SNX25: variants seen among roughly 807,000 people sequenced by gnomAD.
The protein encoded by SNX25 is sorting nexin 25, also known as sorting nexin-25.
A neutral mutation model predicts 113.7 loss-of-function variants in SNX25; 62 were observed. That is an observed-to-expected ratio of 0.55 (90% CI 0.44 to 0.67). The LOEUF is 0.67. SNX25 is among the 30% of genes least tolerant of loss of function. The pLI is 0.00. For synonymous variants in SNX25, 421 were observed against 436.2 expected, an observed-to-expected ratio of 0.97 and a Z score of 0.43; for missense variants, 1,014 against 1,161.0, an observed-to-expected ratio of 0.87 and a Z score of 1.84.
At chr4:185,231,651 C>T (rs780848787) in intron 1 of SNX25, among the ~76,000 whole-genome samples, 5 of 150,284 alleles carry the variant, frequency 3.3e-5, no homozygotes, top group African/African-American at 1.2e-4. Context: ...GTGGAGGTTG[C>T]AGTGAGCTAA....
chr4:185,270,875 T>C (rs1380036241), intron 5 of SNX25, among the ~76,000 whole-genome samples: 1 of 152,248 alleles, frequency 6.6e-6, no homozygotes, highest in Non-Finnish European at 1.5e-5. Flanking sequence ...TTTTTTTGGC[T>C]GAATAATATT....
chr4:185,375,455 C>CAAAAAAAAAAAAAAA, the SNX25 span, among the ~76,000 whole-genome samples: 2 of 14,772 alleles, frequency 1.4e-4, no homozygotes, highest in Non-Finnish European at 2.4e-4. Context: ...GACTCCGTCT[C>CAAAAAAAAAAAAAAA]AAAAAAAAAA....
chr4:185,283,288 T>C (rs1165475667), intron 5 of SNX25, among the ~76,000 whole-genome samples: 1 of 152,194 alleles, frequency 6.6e-6, no homozygotes, highest in Admixed American at 6.5e-5. Context: ...TATTTTATTC[T>C]ATAGCAGAGA....
At chr4:185,303,869 T>A (rs535862394) in intron 6 of SNX25, among the ~76,000 whole-genome samples, 2 of 152,060 alleles carry the variant, frequency 1.3e-5, no homozygotes, top group South Asian at 4.2e-4. Flanking sequence ...GTGTTTAGAG[T>A]GGTAAGAGAA....
Position 185,258,997 on chromosome 4 carries a change from G to A in SNX25, c.664G>A (p.Val222Ile). 1 of 1,614,166 alleles carries A rather than the reference G, an allele frequency of 6.2e-7. No homozygotes were observed. The highest frequency in any genetic ancestry group is 1.1e-5 in the South Asian group (1 of 91,080). ...ACTGAGTCACGTGGATGTGGTTAAA[G>A]TTGTCTGCAATGATGTTGTGAGGAC... The part of the protein sequence containing the change: ...HRLSHVDVVK[V>I]VCNDVVRTLL... Residue 222 changes from valine to isoleucine, a missense_variant, in exon 3 of 19, where the codon GTT becomes ATT. By Grantham distance (29) the Val-to-Ile change is conservative (BLOSUM62 3). Coordinates refer to ENST00000652585, the MANE Select transcript of SNX25 (RefSeq NM_001378034.2).
intron 5 of SNX25, among the ~76,000 whole-genome samples, chr4:185,274,259 C>T (rs572267714): frequency 8.5e-5 from 13 of 152,212 alleles, no homozygotes; most frequent in South Asian, 8.3e-4. Flanking sequence ...CAGGATTTCA[C>T]CATATTGGCC....
downstream of SNX25, among the ~76,000 whole-genome samples, chr4:185,371,529 G>C (rs1252762988): frequency 2.0e-4 from 26 of 131,190 alleles, no homozygotes; most frequent in African/African-American, 6.4e-4. Flanking sequence ...GCAACAGAGC[G>C]AGACTCCGTC....
chr4:185,244,194 T>C (rs1744501073), intron 1 of SNX25, among the ~76,000 whole-genome samples: 1 of 152,208 alleles, frequency 6.6e-6, no homozygotes, highest in Admixed American at 6.5e-5. Context: ...GGTTTCACCA[T>C]GTTAGCCAGG....
rs144822467 is a variant in SNX25, at chr4:185,292,440, C to T, written c.1162+4358C>T. 6.9e-3 allele frequency among the ~76,000 whole-genome samples: 1,045 copies of T among 152,218 alleles called. 7 individuals are homozygous for T. Among genetic ancestry groups the T allele is most frequent in the Non-Finnish European group, 0.012 (846 of 68,008 alleles). ...TCAGACAGAGTTTCGCTCTTGTCAC[C>T]CGGGCTGGAGGGCAATGACACAATC... is the stretch of plus-strand genomic sequence containing the variant. On this transcript the variant is annotated intron_variant, in intron 6 of 18. Coordinates refer to ENST00000652585, the MANE Select transcript of SNX25 (RefSeq NM_001378034.2).
chr4:185,233,077 A>G (rs1052820122), intron 1 of SNX25, among the ~76,000 whole-genome samples: 15 of 152,122 alleles, frequency 9.9e-5, no homozygotes, highest in African/African-American at 3.6e-4. Context: ...TGAGGTCAGG[A>G]GTTCGAGACC....
At chr4:185,282,468 C>T (rs1477027313) in intron 5 of SNX25, among the ~76,000 whole-genome samples, 2 of 152,208 alleles carry the variant, frequency 1.3e-5, no homozygotes, top group Non-Finnish European at 2.9e-5. Context: ...CCTGCCTGGC[C>T]TCAAATCTGT....
the SNX25 span, chr4:185,378,065 A>G: frequency 1.9e-6 from 3 of 1,591,488 alleles, no homozygotes; most frequent in Non-Finnish European, 2.6e-6. Flanking sequence ...GGAAGCTTAA[A>G]TATCAGGATT....
intron 6 of SNX25, among the ~76,000 whole-genome samples, chr4:185,303,576 A>G (rs1754014031): frequency 6.7e-6 from 1 of 149,946 alleles, no homozygotes. Context: ...GGAGAATGGC[A>G]TGAACCTGGG....
chr4:185,291,631 A>T (rs28391330), intron 6 of SNX25, among the ~76,000 whole-genome samples: 6,313 of 152,194 alleles, frequency 0.041, 432 homozygotes, highest in African/African-American at 0.14. Flanking sequence ...AGCCTCTTCC[A>T]TGTCTGTGCC....
At chr4:185,345,167 A>T (rs933449269) in intron 12 of SNX25, among the ~76,000 whole-genome samples, 1 of 152,172 alleles carries the variant, frequency 6.6e-6, no homozygotes, top group Non-Finnish European at 1.5e-5. Flanking sequence ...CCTCTTTGTC[A>T]TCTTTCCTCG....
intron 1 of SNX25, among the ~76,000 whole-genome samples, chr4:185,234,814 C>A (rs1742377896): frequency 6.6e-6 from 1 of 152,036 alleles, no homozygotes; most frequent in South Asian, 2.1e-4. Flanking sequence ...CATAATAATT[C>A]ATTAATTTAA....
chr4:185,242,810 C>T (rs1234215152), intron 1 of SNX25, among the ~76,000 whole-genome samples: 2 of 152,098 alleles, frequency 1.3e-5, no homozygotes, highest in Admixed American at 6.5e-5. Flanking sequence ...CCCCGAGGCC[C>T]GACACACCCA....
chr4:185,304,337 A>G (rs994478078), intron 6 of SNX25, among the ~76,000 whole-genome samples: 1 of 152,096 alleles, frequency 6.6e-6, no homozygotes, highest in Non-Finnish European at 1.5e-5. Context: ...GGTGCATGCC[A>G]CCACGCCTGG....
At chr4:185,332,489 C>A (rs1226932676) in intron 9 of SNX25, 106 bp from the exon 10 acceptor site, 3 of 1,101,604 alleles carry the variant, frequency 2.7e-6, no homozygotes, top group East Asian at 5.5e-5. Context: ...CTTTAGTATT[C>A]TTTCCTTACT....
Sources: gnomAD v4.1 joint callset for allele counts (sites outside exome capture counted in the v4.1 genomes callset) on GRCh38, gnomAD v4.1.1 for gene constraint, MANE v1.5 for transcripts, NCBI Gene and HGNC (gene_info 2026-07-23, HGNC 2026-07-21) for gene names.